ANK3: variants seen among roughly 807,000 people sequenced by gnomAD.
ANK3 encodes ankyrin-3.
In ANK3, 57 loss-of-function variants were observed where a neutral mutation model predicts 370.9. The observed-to-expected ratio is 0.15, with a 90% CI of 0.12 to 0.19. ANK3 has a LOEUF of 0.19. Ranked by LOEUF, ANK3 falls within the 10% of genes least tolerant of loss-of-function variation. ANK3 has a pLI of 1.00. For synonymous variants in ANK3, 1,929 were observed against 1,946.3 expected (o/e 0.99, Z 0.23); for missense variants, 4,439 against 5,302.1 (o/e 0.84, Z 5.06).
chr10:60,039,176 T>C (rs1040669529), intron 43 of ANK3, among the ~76,000 whole-genome samples: 1 of 152,214 alleles, frequency 6.6e-6, no homozygotes, highest in African/African-American at 2.4e-5. Flanking sequence ...AAATATTCTT[T>C]GAAGAAATAA....
intron 2 of ANK3, among the ~76,000 whole-genome samples, chr10:60,486,388 G>A (rs926623581): frequency 2.0e-5 from 3 of 152,170 alleles, no homozygotes; most frequent in African/African-American, 7.2e-5. Flanking sequence ...AGACCAGCCT[G>A]GCCAACATGG....
intron 1 of ANK3, among the ~76,000 whole-genome samples, chr10:60,629,177 G>A (rs2078450054): frequency 1.3e-5 from 2 of 152,036 alleles, no homozygotes; most frequent in Admixed American, 1.3e-4. Context: ...TTGTTAAGGA[G>A]ACCATTAAAA....
intron 9 of ANK3, among the ~76,000 whole-genome samples, chr10:60,211,886 C>T (rs1261002885): frequency 9.6e-5 from 3 of 31,368 alleles, no homozygotes; most frequent in African/African-American, 5.0e-4. Context: ...TTGTAAAATA[C>T]AGAGCCAAAA....
chr10:60,121,937 A>C (rs929747084), intron 25 of ANK3, among the ~76,000 whole-genome samples: 2 of 152,180 alleles, frequency 1.3e-5, no homozygotes, highest in African/African-American at 4.8e-5. Context: ...ATTCACAAAA[A>C]TTTTAAAATA....
intron 2 of ANK3, among the ~76,000 whole-genome samples, chr10:60,568,152 A>G (rs1390691866): frequency 6.6e-6 from 1 of 152,212 alleles, no homozygotes; most frequent in Non-Finnish European, 1.5e-5. Flanking sequence ...AATTTTAAAG[A>G]AGTTCTACTG....
chr10:60,604,378 T>C (rs1038357963), intron 2 of ANK3, among the ~76,000 whole-genome samples: 1 of 152,120 alleles, frequency 6.6e-6, no homozygotes, highest in Non-Finnish European at 1.5e-5. Flanking sequence ...CCAAAATGCC[T>C]TCAACAAATA....
At chr10:60,141,007 G>A in intron 23 of ANK3, 6 of 985,492 alleles carry the variant, frequency 6.1e-6, no homozygotes, top group Non-Finnish European at 7.2e-6. Flanking sequence ...TTTCAACTTT[G>A]TTCTCAGCTG....
chr10:60,717,484 C>T (rs964806593), intron 1 of ANK3, among the ~76,000 whole-genome samples: 1 of 152,098 alleles, frequency 6.6e-6, no homozygotes, highest in Non-Finnish European at 1.5e-5. Flanking sequence ...AGGTTCATCT[C>T]TATATTGAAC....
At chr10:60,180,320 G>T (rs973227203) in intron 18 of ANK3, among the ~76,000 whole-genome samples, 1 of 147,826 alleles carries the variant, frequency 6.8e-6, no homozygotes, top group Non-Finnish European at 1.5e-5. Context: ...ATATGTGGCT[G>T]GGTGCGGGGG....
intron 1 of ANK3, among the ~76,000 whole-genome samples, chr10:60,325,765 A>C (rs2049705103): frequency 1.3e-5 from 2 of 152,212 alleles, no homozygotes; most frequent in Non-Finnish European, 2.9e-5. Flanking sequence ...TTGACCCAGC[A>C]ATCCCATTAC....
chr10:60,182,678 G>C (rs1485891013), intron 17 of ANK3, among the ~76,000 whole-genome samples: 1 of 152,184 alleles, frequency 6.6e-6, no homozygotes, highest in Non-Finnish European at 1.5e-5. Flanking sequence ...GAGTCTTCTA[G>C]ATGTGAAACA....
At position 60,139,033 on chromosome 10, in the gene ANK3, T is replaced by C. The variant is rs543423539; in HGVS notation, c.2669A>G (p.Lys890Arg). The C allele has an allele frequency of 3.7e-5, 60 of 1,613,866 alleles. No individual in the cohort carries two copies. In the South Asian group the frequency reaches 6.0e-4, roughly 16 times the overall value. ...TDKYLGPQDL[K>R]ELGDDSLPAE... ...AGGCAGGGAATCATCACCCAATTCC[T>C]TAAGGTCCTGTGGCCCAAGATATTT... Residue 890 changes from lysine (K) to arginine (R), a missense_variant, in exon 24 of 44, where the codon AAG (lysine) becomes AGG (arginine). Lys to Arg is a conservative substitution (Grantham distance 26). Around this residue, in one of 13 missense-constraint regions of ANK3, gnomAD observed 702 missense variants for 941.5 expected, o/e 0.75. Coordinates refer to ENST00000280772, the MANE Select transcript of ANK3 (RefSeq NM_020987.5).
intron 1 of ANK3, among the ~76,000 whole-genome samples, chr10:60,625,938 A>G (rs1409130180): frequency 6.6e-6 from 1 of 152,228 alleles, no homozygotes; most frequent in Non-Finnish European, 1.5e-5. Flanking sequence ...AAACAGAGCA[A>G]TGACATTCAA....
At chr10:60,166,289 C>G (rs1263153087) in intron 23 of ANK3, among the ~76,000 whole-genome samples, 1 of 151,890 alleles carries the variant, frequency 6.6e-6, no homozygotes, top group Non-Finnish European at 1.5e-5. Context: ...ATTTCAGATG[C>G]AAACAATAAA....
chr10:60,459,787 C>T (rs918547716), intron 2 of ANK3, among the ~76,000 whole-genome samples: 4 of 152,126 alleles, frequency 2.6e-5, no homozygotes, highest in Admixed American at 6.6e-5. Context: ...TAGTAATTTA[C>T]TGTTTTTAGG....
At chr10:60,325,798 T>C (rs565949219) in intron 1 of ANK3, among the ~76,000 whole-genome samples, 75 of 152,150 alleles carry the variant, frequency 4.9e-4, no homozygotes, top group Non-Finnish European at 1.0e-3. Flanking sequence ...CAAAGGAGTA[T>C]AAATCATCCT....
Position 60,213,451 on chromosome 10 carries a change from C to T in ANK3, c.957G>A (p.Met319Ile), listed in dbSNP as rs2096887444. ...ARSGHEQVVEMLLDRAAPILS... is the reference protein window; with the variant it reads ...ARSGHEQVVEILLDRAAPILS... ...GAATGGGGGCAGCTCGATCAAGCAA[C>T]ATTTCTACCACCTGCTCGTGGCCAC... Residue 319 changes from methionine to isoleucine, a missense_variant, in exon 9 of 44, where the codon ATG (methionine) becomes ATA (isoleucine). Met to Ile is a conservative substitution (Grantham distance 10). Coordinates refer to ENST00000280772, the MANE Select transcript of ANK3 (RefSeq NM_020987.5). 6.2e-7 allele frequency: 1 copy of T among 1,612,678 alleles called. No individual in the cohort carries two copies. The highest frequency in any genetic ancestry group is 8.5e-7 in the Non-Finnish European group (1 of 1,179,260).
intron 1 of ANK3, among the ~76,000 whole-genome samples, chr10:60,309,719 A>G (rs2045924030): frequency 6.6e-6 from 1 of 152,136 alleles, no homozygotes; most frequent in Admixed American, 6.5e-5. Flanking sequence ...TAAAGAAAAA[A>G]CAGCTGTAGA....
intron 1 of ANK3, among the ~76,000 whole-genome samples, chr10:60,354,064 C>G (rs951504905): frequency 1.3e-5 from 2 of 152,202 alleles, no homozygotes; most frequent in Admixed American, 1.3e-4. Flanking sequence ...ATAAATAGCC[C>G]AGTTTTCAGT....
Sources: gnomAD v4.1 joint callset for allele counts (sites outside exome capture counted in the v4.1 genomes callset) on GRCh38, gnomAD v4.1.1 for gene constraint, gnomAD v4.1.1 regional missense constraint, MANE v1.5 for transcripts, NCBI Gene and HGNC (gene_info 2026-07-23, HGNC 2026-07-21) for gene names.